Variants in PSD3 observed in about 807,000 individuals in gnomAD.
PSD3 encodes pleckstrin and Sec7 domain containing 3.
A neutral mutation model predicts 105.5 loss-of-function variants in PSD3; 49 were observed. That is an observed-to-expected ratio of 0.46 (90% CI 0.37 to 0.59). The LOEUF is 0.59. Ranked by LOEUF, PSD3 falls within the 20% of genes least tolerant of loss-of-function variation. The probability of loss-of-function intolerance (pLI) is 0.00; values close to 1 mark genes in which losing one functional copy is unlikely to be tolerated. For synonymous variants in PSD3, 557 were observed against 457.8 expected (o/e 1.22, Z -2.77); for missense variants, 1,561 against 1,263.8 (o/e 1.24, Z -3.57).
intron 10 of PSD3, among the ~76,000 whole-genome samples, chr8:18,642,458 T>C (rs1807718613): frequency 6.6e-6 from 1 of 152,312 alleles, no homozygotes; most frequent in South Asian, 2.1e-4. Flanking sequence ...TTATATATCA[T>C]CTTGTATCAT....
chr8:18,845,533 G>A (rs987763940), intron 4 of PSD3, among the ~76,000 whole-genome samples: 1 of 152,200 alleles, frequency 6.6e-6, no homozygotes, highest in Non-Finnish European at 1.5e-5. Context: ...CCAACACTGT[G>A]GGCAGTGTCA....
chr8:18,935,115 T>C (rs1450552213), intron 2 of PSD3, among the ~76,000 whole-genome samples: 1 of 152,192 alleles, frequency 6.6e-6, no homozygotes, highest in African/African-American at 2.4e-5. Context: ...ATGATTAGCA[T>C]AGTGCCTCAC....
intron 2 of PSD3, among the ~76,000 whole-genome samples, chr8:18,895,177 C>A (rs1266885230): frequency 6.6e-6 from 1 of 152,230 alleles, no homozygotes; most frequent in African/African-American, 2.4e-5. Context: ...CACCTATCAT[C>A]CCCTGGAAAG....
chr8:18,552,031 C>T (rs1316199263), intron 15 of PSD3, among the ~76,000 whole-genome samples: 1 of 152,256 alleles, frequency 6.6e-6, no homozygotes, highest in Non-Finnish European at 1.5e-5. Context: ...TTCCTAAACG[C>T]ATTTAAATTA....
At chr8:19,046,315 T>C (rs764480650) in intron 1 of PSD3, among the ~76,000 whole-genome samples, 1 of 152,166 alleles carries the variant, frequency 6.6e-6, no homozygotes, top group African/African-American at 2.4e-5. Flanking sequence ...TTTCACCATA[T>C]TGGCCAGGAT....
At chr8:19,062,499 T>A (rs1315381670) in intron 1 of PSD3, among the ~76,000 whole-genome samples, 3 of 151,634 alleles carry the variant, frequency 2.0e-5, no homozygotes, top group African/African-American at 7.3e-5. Flanking sequence ...CCCAGTTAAC[T>A]CCACGACAGA....
At chr8:18,806,149 A>C (rs1811174817) in intron 4 of PSD3, among the ~76,000 whole-genome samples, 1 of 152,182 alleles carries the variant, frequency 6.6e-6, no homozygotes, top group South Asian at 2.1e-4. Flanking sequence ...TAAAGGTGAA[A>C]CTGGCCTATA....
At chr8:18,888,131 A>G (rs983561434) in intron 2 of PSD3, among the ~76,000 whole-genome samples, 1 of 152,210 alleles carries the variant, frequency 6.6e-6, no homozygotes, top group African/African-American at 2.4e-5. Context: ...AAGAAAGAAT[A>G]TAATTTTCAG....
intron 9 of PSD3, among the ~76,000 whole-genome samples, chr8:18,687,996 T>G (rs2130980762): frequency 6.6e-6 from 1 of 152,274 alleles, no homozygotes; most frequent in Middle Eastern, 3.4e-3. Context: ...CTTGAACTCC[T>G]AACCTCAGGT....
Position 18,684,199 on chromosome 8 carries a change from C to G in PSD3, c.2173-28514G>C, listed in dbSNP as rs538923700. On this transcript the variant is annotated intron_variant, in intron 9 of 15. Coordinates refer to ENST00000327040, the MANE Select transcript of PSD3 (RefSeq NM_015310.4). ...CAATCCACCCCTGCTACTCGTCTCTCTTTTCCACACACACACACACACACA... is the reference window on the plus strand; with the variant it reads ...CAATCCACCCCTGCTACTCGTCTCTGTTTTCCACACACACACACACACACA... 252 of 303,950 alleles carry G rather than the reference C, an allele frequency of 8.3e-4. 2 individuals are homozygous for G. The Admixed American group carries it at 0.012, about 14-fold the overall frequency. The allele number at this position is 303,950 out of a possible 1,614,324, so 18.8% of individuals were successfully genotyped here.
intron 2 of PSD3, among the ~76,000 whole-genome samples, chr8:18,909,749 G>T (rs1486620711): frequency 6.6e-6 from 1 of 152,208 alleles, no homozygotes; most frequent in Non-Finnish European, 1.5e-5. Context: ...CTCCCAAAGT[G>T]CTGGGATTAC....
chr8:18,914,081 T>G (rs1820419036), intron 2 of PSD3, among the ~76,000 whole-genome samples: 1 of 151,904 alleles, frequency 6.6e-6, no homozygotes, highest in East Asian at 1.9e-4. Flanking sequence ...GGAACCAGCC[T>G]GCCCAAAGGC....
intron 2 of PSD3, among the ~76,000 whole-genome samples, chr8:18,888,484 GA>G (rs796652851): frequency 0.021 from 2,889 of 139,776 alleles, 74 homozygotes; most frequent in African/African-American, 0.067. Context: ...ATTTCCATCT[GA>G]AAAAAAAAAA....
intron 4 of PSD3, among the ~76,000 whole-genome samples, chr8:18,830,550 A>T (rs574300889): frequency 7.9e-5 from 12 of 152,226 alleles, no homozygotes; most frequent in Non-Finnish European, 1.6e-4. Context: ...ATCTTCTGTC[A>T]TTCAAAGCAG....
intron 1 of PSD3, among the ~76,000 whole-genome samples, chr8:18,954,603 T>A (rs1191826542): frequency 1.3e-5 from 2 of 152,162 alleles, no homozygotes; most frequent in Non-Finnish European, 2.9e-5. Context: ...CAAGGGACAC[T>A]GTCTATCATA....
At chr8:18,798,456 C>T (rs1810383496) in intron 8 of PSD3, among the ~76,000 whole-genome samples, 1 of 152,118 alleles carries the variant, frequency 6.6e-6, no homozygotes. Context: ...CATAGAGCTC[C>T]ATGGTTCCTT....
At chr8:18,670,794 C>T (rs371808116) in intron 9 of PSD3, among the ~76,000 whole-genome samples, 4 of 151,970 alleles carry the variant, frequency 2.6e-5, no homozygotes, top group Non-Finnish European at 2.9e-5. Flanking sequence ...TATCTGGGCA[C>T]GAATAGAACA....
At chr8:18,804,927 A>G (rs1811069251) in intron 4 of PSD3, 29 bp from the exon 5 acceptor site, 3 of 1,524,672 alleles carry the variant, frequency 2.0e-6, no homozygotes, top group Non-Finnish European at 2.7e-6. Context: ...AGAGAAAATA[A>G]TAGATTTTTC....
chr8:18,604,795 T>A (rs898016034), intron 11 of PSD3, among the ~76,000 whole-genome samples: 1 of 152,194 alleles, frequency 6.6e-6, no homozygotes, highest in East Asian at 1.9e-4. Context: ...GGTTCAGCCA[T>A]GGCTCAAAGG....
Sources: allele counts gnomAD v4.1 joint callset (sites outside exome capture counted in the v4.1 genomes callset), GRCh38; gene constraint gnomAD v4.1.1; transcripts MANE v1.5; gene names NCBI Gene and HGNC (gene_info 2026-07-23, HGNC 2026-07-21).